Variants in RBM19 observed in about 807,000 individuals in gnomAD.
RBM19 encodes RNA binding motif protein 19, also known as probable RNA-binding protein 19.
Under a neutral mutation model 116.8 loss-of-function variants are expected in RBM19, and 94 were observed. That is an observed-to-expected ratio of 0.80 (90% confidence interval 0.68 to 0.95). RBM19 has a LOEUF of 0.95. Ranked by LOEUF, RBM19 falls within the 40% of genes least tolerant of loss-of-function variation. RBM19 has a pLI of 0.00. For missense variants in RBM19, 1,161 were observed against 1,220.7 expected (o/e 0.95, Z 0.73); for synonymous variants, 475 against 494.1 (o/e 0.96, Z 0.51).
intron 17 of RBM19, among the ~76,000 whole-genome samples, chr12:113,926,538 C>CG (rs761842502): frequency 6.6e-6 from 1 of 152,136 alleles, no homozygotes; most frequent in African/African-American, 2.4e-5. Flanking sequence ...TAGAAGCCCC[C>CG]GGCCCTCACT....
In RBM19 at chr12:113,822,952, C is replaced by T. The variant is rs562708357; in HGVS notation, c.*272G>A. ...CAAGTCTCTCTTCCTAACGTGGCTG[C>T]TCCCTTGGACTCTTCCGTGTCTGCT... On this transcript the variant is annotated 3_prime_UTR_variant, in exon 24 of 24. Transcript: ENST00000261741. The T allele has an allele frequency of 9.3e-5, 36 of 387,672 alleles. No homozygotes were observed. In the South Asian group the frequency reaches 1.0e-3, roughly 11 times the overall value. The allele number at this position is 387,672 out of a possible 1,614,324, so 24.0% of individuals were successfully genotyped here.
chr12:113,848,517 T>G (rs1418345288), intron 22 of RBM19, among the ~76,000 whole-genome samples: 1 of 152,096 alleles, frequency 6.6e-6, no homozygotes, highest in African/African-American at 2.4e-5. Context: ...TAACGAGAGC[T>G]TGTTATATTT....
rs753332064 is a variant in RBM19 at position 113,936,772 on chromosome 12, T to A, written c.2068+235A>T. Reference sequence around the variant, plus strand: ...TTGAATCCTTGTTAATAGATAGTAATTTTTTTCCCCTAAAAGCTTTAATTG... The same window carrying A: ...TTGAATCCTTGTTAATAGATAGTAAATTTTTTCCCCTAAAAGCTTTAATTG... On this transcript the variant is annotated intron_variant, in intron 16 of 23. Coordinates refer to ENST00000261741, the MANE Select transcript of RBM19 (RefSeq NM_016196.4). 330 of 454,908 alleles carry A rather than the reference T, an allele frequency of 7.3e-4. 1 individual carries two copies. Among genetic ancestry groups the A allele is most frequent in the Non-Finnish European group, 1.1e-3 (285 of 263,128 alleles). 28.2% of individuals were successfully genotyped at this position (454,908 alleles called of 1,614,324 possible).
At chr12:113,865,378 T>C (rs1878724763) in intron 21 of RBM19, among the ~76,000 whole-genome samples, 1 of 152,164 alleles carries the variant, frequency 6.6e-6, no homozygotes, top group African/African-American at 2.4e-5. Flanking sequence ...GTTGCCTCCT[T>C]TGCACACCCA....
intron 14 of RBM19, among the ~76,000 whole-genome samples, chr12:113,940,539 G>T (rs143838781): frequency 1.3e-5 from 2 of 152,222 alleles, no homozygotes; most frequent in African/African-American, 4.8e-5. Flanking sequence ...CCAGCAGGAC[G>T]TGCTGCAGAG....
intron 2 of RBM19, 71 bp downstream of exon 2, chr12:113,962,161 A>C (rs1448751291): frequency 6.4e-5 from 99 of 1,556,146 alleles, no homozygotes; most frequent in Middle Eastern, 3.4e-4. Context: ...CTTTGAACTC[A>C]AGTGCTGAGT....
In RBM19 at chr12:113,937,139, G is replaced by C. The variant is rs1472658273; in HGVS notation, c.1939-3C>G. ...AGATAGAGGGGGACATGATGGAACT[G>C]CAGAGACAAGAGTGATGGCCCTGTG... On this transcript the variant is annotated splice_polypyrimidine_tract_variant and splice_region_variant and intron_variant, in intron 15 of 23. Coordinates refer to ENST00000261741, the MANE Select transcript of RBM19 (RefSeq NM_016196.4). 6.2e-7 allele frequency: 1 copy of C among 1,613,832 alleles called. No individual in the cohort carries two copies. Among genetic ancestry groups the C allele is most frequent in the East Asian group, 2.2e-5 (1 of 44,884 alleles).
chr12:113,857,336 G>A (rs1403468366), intron 22 of RBM19, among the ~76,000 whole-genome samples: 2 of 152,256 alleles, frequency 1.3e-5, no homozygotes, highest in Non-Finnish European at 2.9e-5. Context: ...TGCCAGGACC[G>A]AGTCAGTGTC....
rs140794490 is a variant in RBM19 at position 113,823,281 on chromosome 12, G to C, written c.2826C>G (p.Ile942Met). 6.2e-6 allele frequency: 10 copies of C among 1,613,218 alleles called. No homozygotes were observed. The African/African-American group carries it at 1.3e-4, about 21-fold the overall frequency. The change falls in exon 24 of 24, where the codon ATC becomes ATG. Residue 942 changes from isoleucine to methionine, a missense_variant. By Grantham distance (10) the Ile-to-Met change is conservative. Transcript: ENST00000261741. The part of the protein sequence containing the change: ...KKKRSVVLDE[I>M]LEQLEGSDSD... ...TGTCACTGCCTTCCAGCTGCTCCAG[G>C]ATCTCGTCCAACACCACAGACCGCT...
intron 21 of RBM19, among the ~76,000 whole-genome samples, chr12:113,900,079 G>A (rs1479765865): frequency 6.6e-6 from 1 of 152,166 alleles, no homozygotes; most frequent in Non-Finnish European, 1.5e-5. Flanking sequence ...CTGAGCTTTT[G>A]TCGCCCACTC....
At chr12:113,859,291 T>C (rs969695166) in intron 21 of RBM19, among the ~76,000 whole-genome samples, 2 of 152,208 alleles carry the variant, frequency 1.3e-5, no homozygotes, top group Admixed American at 6.5e-5. Flanking sequence ...TGTGTGCTAG[T>C]AGGGGCTCTG....
chr12:113,855,262 T>C (rs1262071282), intron 22 of RBM19, among the ~76,000 whole-genome samples: 1 of 150,962 alleles, frequency 6.6e-6, no homozygotes, highest in Non-Finnish European at 1.5e-5. Context: ...TGGTGGATGA[T>C]GGGGAAAGAA....
At chr12:113,896,433 A>G (rs1400273445) in intron 21 of RBM19, among the ~76,000 whole-genome samples, 1 of 152,110 alleles carries the variant, frequency 6.6e-6, no homozygotes, top group African/African-American at 2.4e-5. Flanking sequence ...TCCGCCCCCC[A>G]TGGGAGGGGA....
rs775956603 is a variant in RBM19, at chr12:113,949,031, G to A, written c.1078C>T (p.Arg360Cys). Reference protein sequence around the residue: ...LKCNREYMGGRYIEVFREKNV... With the variant: ...LKCNREYMGGCYIEVFREKNV... ...TTTTCCCTGAACACCTCGATGTAGC[G>A]CCCACCTGCAATGAAGAGGAGTCAG... is the stretch of plus-strand genomic sequence containing the variant. The change falls in exon 10 of 24, where the codon CGC becomes TGC. Residue 360 changes from arginine (R) to cysteine (C), a missense_variant. Physicochemically the swap from Arg to Cys is radical, Grantham distance 180. Coordinates refer to ENST00000261741, the MANE Select transcript of RBM19 (RefSeq NM_016196.4). The A allele has an allele frequency of 9.9e-6, 16 of 1,612,476 alleles. No individual in the cohort carries two copies. The highest frequency in any genetic ancestry group is 2.2e-5 in the East Asian group (1 of 44,866).
chr12:113,882,952 G>A (rs888352847), intron 21 of RBM19, among the ~76,000 whole-genome samples: 2 of 152,196 alleles, frequency 1.3e-5, no homozygotes, highest in African/African-American at 2.4e-5. Context: ...AGGAGAGGCA[G>A]TTGCTGGCAA....
At chr12:113,871,718 A>G (rs1280317376) in intron 21 of RBM19, among the ~76,000 whole-genome samples, 1 of 152,260 alleles carries the variant, frequency 6.6e-6, no homozygotes, top group Non-Finnish European at 1.5e-5. Context: ...AACAGCAGAC[A>G]CACCTCAACA....
chr12:113,925,408 CT>C (rs1345470151), intron 17 of RBM19, among the ~76,000 whole-genome samples: 1 of 152,184 alleles, frequency 6.6e-6, no homozygotes, highest in African/African-American at 2.4e-5. Flanking sequence ...GGAGTATCTC[CT>C]TCATCCAAAT....
chr12:113,846,877 T>G (rs1877029125), intron 22 of RBM19, among the ~76,000 whole-genome samples: 1 of 152,128 alleles, frequency 6.6e-6, no homozygotes, highest in Admixed American at 6.5e-5. Context: ...AATGCCTCGC[T>G]AAGTTTTTAA....
Position 113,880,400 on chromosome 12 carries a change from C to T in RBM19, c.2559-21504G>A, listed in dbSNP as rs966803561. Among the ~76,000 whole-genome samples, 9 of 152,232 alleles carry T rather than the reference C, an allele frequency of 5.9e-5. No homozygotes were observed. In the East Asian group the frequency reaches 1.4e-3, roughly 23 times the overall value. On this transcript the variant is annotated intron_variant, in intron 21 of 23. Coordinates refer to ENST00000261741, the MANE Select transcript of RBM19 (RefSeq NM_016196.4). Reference sequence around the variant, plus strand: ...CTGCCTACATCTGTAAAGATCCATTCGGTAAGTAATGAACACAGCGACATG... The same window carrying T: ...CTGCCTACATCTGTAAAGATCCATTTGGTAAGTAATGAACACAGCGACATG...
Sources: allele counts gnomAD v4.1 joint callset (sites outside exome capture counted in the v4.1 genomes callset), GRCh38; gene constraint gnomAD v4.1.1; transcripts MANE v1.5; gene names NCBI Gene and HGNC (gene_info 2026-07-23, HGNC 2026-07-21).